Variants in IFNLR1 observed in about 807,000 individuals in gnomAD.
IFNLR1 encodes CRF2-12.
A neutral mutation model predicts 52.5 loss-of-function variants in IFNLR1; 28 were observed. The observed-to-expected ratio is 0.53, with a 90% CI of 0.40 to 0.73. IFNLR1 has a LOEUF of 0.73. IFNLR1 is among the 30% of genes least tolerant of loss of function. The pLI is 0.00. For synonymous variants in IFNLR1, 276 were observed against 274.9 expected (o/e 1.00, Z -0.04); for missense variants, 623 against 659.1 (o/e 0.95, Z 0.60).
intron 3 of IFNLR1, among the ~76,000 whole-genome samples, chr1:24,163,977 A>G (rs956042489): frequency 6.6e-6 from 1 of 152,156 alleles, no homozygotes; most frequent in African/African-American, 2.4e-5. Context: ...AATCAACAGT[A>G]TCTAAGTCAG....
At chr1:24,181,026 C>G (rs1351498061) in intron 1 of IFNLR1, among the ~76,000 whole-genome samples, 172 bp from the exon 2 acceptor site, 1 of 152,104 alleles carries the variant, frequency 6.6e-6, no homozygotes, top group Non-Finnish European at 1.5e-5. Context: ...AGACCCTTTG[C>G]CAGGAGGGGA....
chr1:24,175,812 T>A (rs1183895075), intron 2 of IFNLR1, among the ~76,000 whole-genome samples: 1 of 151,890 alleles, frequency 6.6e-6, no homozygotes, highest in Non-Finnish European at 1.5e-5. Context: ...CGCATGCCTG[T>A]AATCCCAGCT....
In IFNLR1 at chr1:24,169,315, A is replaced by G. The variant is rs370027861; in HGVS notation, c.367+102T>C. The G allele has an allele frequency of 3.5e-5, 39 of 1,111,932 alleles. No individual in the cohort carries two copies. The African/African-American group carries it at 5.5e-4, about 16-fold the overall frequency. The allele number at this position is 1,111,932 out of a possible 1,614,324, so 68.9% of individuals were successfully genotyped here. The stretch of plus-strand genomic sequence containing the variant: ...AGGGAGCTGCCCTCTGCTTTGGGGA[A>G]GTGGGAGACAGATGGTCAGGAGAAC... On this transcript the variant is annotated intron_variant, in intron 3 of 6. Coordinates refer to ENST00000327535, the MANE Select transcript of IFNLR1 (RefSeq NM_170743.4).
intron 2 of IFNLR1, 32 bp downstream of exon 2, chr1:24,180,689 CCCTCAGTCTT>C: frequency 7.2e-7 from 1 of 1,392,770 alleles, no homozygotes; most frequent in Non-Finnish European, 9.9e-7. Context: ...CCCACCCACC[CCCTCAGTCTT>C]CCCATCCACC....
In IFNLR1 at chr1:24,159,179, G is replaced by A. The variant is rs1425915327; in HGVS notation, c.674C>T (p.Ala225Val). The change falls in exon 6 of 7, where the codon GCC (alanine) becomes GTC (valine). Residue 225 changes from alanine (A) to valine (V), a missense_variant. By Grantham distance (64) the Ala-to-Val change is moderately conservative. Transcript: ENST00000327535. ...PTCFLLEVPEANWAFLVLPSL... is the reference protein window; with the variant it reads ...PTCFLLEVPEVNWAFLVLPSL... The stretch of plus-strand genomic sequence containing the variant: ...TGGCAGCACCAGGAAAGCCCAGTTG[G>A]CTTCTAAGGAAGGAAAAATAACAAT... 1.2e-6 allele frequency: 2 copies of A among 1,613,860 alleles called. No individual in the cohort carries two copies. The highest frequency in any genetic ancestry group is 8.5e-7 in the Non-Finnish European group (1 of 1,179,970).
chr1:24,158,966 T>C, intron 6 of IFNLR1, 86 bp downstream of exon 6: 1 of 1,370,088 alleles, frequency 7.3e-7, no homozygotes, highest in Non-Finnish European at 1.0e-6. Flanking sequence ...CATCTTGATA[T>C]TCTATCTGAA....
intron 1 of IFNLR1, among the ~76,000 whole-genome samples, chr1:24,186,691 A>C (rs868182069): frequency 4.1e-5 from 6 of 146,994 alleles, no homozygotes; most frequent in Admixed American, 6.6e-5. Context: ...ACAACAACAA[A>C]ACAACAACAA....
chr1:24,162,706 CTTTTCTTTCTTTCTTTCTTTT>C (rs1644457423), intron 3 of IFNLR1, among the ~76,000 whole-genome samples: 2 of 21,784 alleles, frequency 9.2e-5, no homozygotes, highest in Non-Finnish European at 1.9e-4. Flanking sequence ...CTTTTCTTTT[CTTTTCTTTCTTTCTTTCTTTT>C]CTTTCTTTCT....
At chr1:24,187,134 C>G in intron 1 of IFNLR1, 57 bp downstream of exon 1, 1 of 1,187,972 alleles carries the variant, frequency 8.4e-7, no homozygotes, top group Non-Finnish European at 1.1e-6. Context: ...CGAGGGTAGG[C>G]GCGGCCCGGC....
intron 3 of IFNLR1, 61 bp downstream of exon 3, chr1:24,169,356 T>C: frequency 6.7e-7 from 1 of 1,493,836 alleles, no homozygotes; most frequent in South Asian, 1.2e-5. Context: ...CACTGAGCAC[T>C]GAGCACAGCT....
intron 6 of IFNLR1, among the ~76,000 whole-genome samples, chr1:24,158,601 C>T (rs182859789): frequency 5.3e-5 from 8 of 152,294 alleles, no homozygotes; most frequent in East Asian, 3.9e-4. Flanking sequence ...TGCCCCAGCT[C>T]GCCCCTAGGT....
rs1644467903 is a variant in IFNLR1, at chr1:24,162,819, CTT to C, written c.368-1137_368-1136del. ...TTCTTTCTTTTTTCTTTCTTTTTTT[CTT>C]CTTTCTTTCTTTTCTTTCTTTCTTT... On this transcript the variant is annotated intron_variant, in intron 3 of 6. Coordinates refer to ENST00000327535, the MANE Select transcript of IFNLR1 (RefSeq NM_170743.4). Among the ~76,000 whole-genome samples the C allele has an allele frequency of 9.1e-5, 4 of 43,944 alleles. 1 individual carries two copies. Among genetic ancestry groups the C allele is most frequent in the Non-Finnish European group, 1.8e-4 (4 of 21,952 alleles). The allele number at this position is 43,944 out of a possible 152,430, so 28.8% of individuals were successfully genotyped here.
chr1:24,161,750 C>T lies in IFNLR1; in HGVS notation c.368-66G>A, dbSNP rs376910156. 68 of 1,414,644 alleles carry T rather than the reference C, an allele frequency of 4.8e-5. 2 individuals are homozygous for T. Among genetic ancestry groups the T allele is most frequent in the Admixed American group, 1.5e-4 (5 of 33,446 alleles). The allele number at this position is 1,414,644 out of a possible 1,614,324, so 87.6% of individuals were successfully genotyped here. A position where few individuals can be genotyped will look rare whatever the true frequency, so the allele number is the denominator to read the frequency against. ...CCGCACTGCCTCCATCCCCCAAGACCAGAGAGCTCTCTTGGAAATGGAAAA... is the reference window on the plus strand; with the variant it reads ...CCGCACTGCCTCCATCCCCCAAGACTAGAGAGCTCTCTTGGAAATGGAAAA... On this transcript the variant is annotated intron_variant, in intron 3 of 6. Coordinates refer to ENST00000327535, the MANE Select transcript of IFNLR1 (RefSeq NM_170743.4).
chr1:24,159,228 T>C (rs376390107), intron 5 of IFNLR1, 46 bp from the exon 6 acceptor site: 11 of 1,608,360 alleles, frequency 6.8e-6, no homozygotes, highest in Non-Finnish European at 9.4e-6. Flanking sequence ...ATGGCTCTTG[T>C]CTACAACTGC....
rs1557644033 is a variant in IFNLR1 at position 24,162,798 on chromosome 1, TTC to T, written c.368-1116_368-1115del. Among the ~76,000 whole-genome samples the T allele has an allele frequency of 4.2e-4, 39 of 92,698 alleles. 2 individuals are homozygous for T. The highest frequency in any genetic ancestry group is 6.1e-4 in the Non-Finnish European group (27 of 44,332). 60.8% of individuals were successfully genotyped at this position (92,698 alleles called of 152,430 possible). A position where few individuals can be genotyped will look rare whatever the true frequency, so the allele number is the denominator to read the frequency against. On this transcript the variant is annotated intron_variant, in intron 3 of 6. Coordinates refer to ENST00000327535, the MANE Select transcript of IFNLR1 (RefSeq NM_170743.4). ...TTTCTTTTTCTTTCTTTTTCTTTCT[TTC>T]TTTTTTCTTTCTTTTTTTCTTCTTT...
intron 2 of IFNLR1, among the ~76,000 whole-genome samples, chr1:24,172,204 G>A (rs72650407): frequency 0.098 from 14,896 of 152,140 alleles, 2,006 homozygotes; most frequent in African/African-American, 0.3. Flanking sequence ...AAATGAAAAC[G>A]TATAAGACAG....
chr1:24,157,736 C>T lies in IFNLR1; in HGVS notation c.957G>A (p.Lys319=), dbSNP rs1644398115. The T allele has an allele frequency of 1.2e-6, 2 of 1,614,234 alleles. No individual in the cohort carries two copies. Among genetic ancestry groups the T allele is most frequent in the African/African-American group, 1.3e-5 (1 of 75,066 alleles). ...CCTCTTCGTCCTCTGCAAGGTCCTT[C>T]TTCCATCTTGTCTGTTGGGTGGCTG... ...RAPATQQTRW[K]KDLAEDEEEE... is the part of the protein sequence containing the mutation. The change falls in exon 7 of 7, where the codon AAG becomes AAA. Residue 319 remains lysine (K), a synonymous_variant. Coordinates refer to ENST00000327535, the MANE Select transcript of IFNLR1 (RefSeq NM_170743.4). The surrounding 1 kb of genome is among the most constrained non-coding windows in gnomAD (Gnocchi z 5.1).
At position 24,157,241 on chromosome 1, in the gene IFNLR1, C is replaced by T. The variant is rs1459961642; in HGVS notation, c.1452G>A (p.Glu484=). The T allele has an allele frequency of 6.2e-7, 1 of 1,614,090 alleles. No homozygotes were observed. Among genetic ancestry groups the T allele is most frequent in the Non-Finnish European group, 8.5e-7 (1 of 1,180,036 alleles). Residue 484 remains glutamate, a synonymous_variant, in exon 7 of 7, where the codon GAG becomes GAA. Transcript: ENST00000327535. This position sits in a 1 kb window ranked among gnomAD's most constrained non-coding sequence, Gnocchi z 5.1. Reference sequence around the variant, plus strand: ...CCTCAATTTCTGATTCCCTCGCCTCCTCTTCCTCCTCAGGGCTGCTTTCCC... The same window carrying T: ...CCTCAATTTCTGATTCCCTCGCCTCTTCTTCCTCCTCAGGGCTGCTTTCCC... ...FCWESSPEEE[E]EARESEIEDS...
chr1:24,164,911 C>T (rs544148854), intron 3 of IFNLR1, among the ~76,000 whole-genome samples: 17 of 151,954 alleles, frequency 1.1e-4, no homozygotes, highest in African/African-American at 2.9e-4. Flanking sequence ...TACAGGTGCC[C>T]GCCACCACAC....
Sources: gnomAD v4.1 joint callset for allele counts (sites outside exome capture counted in the v4.1 genomes callset) on GRCh38, gnomAD v4.1.1 for gene constraint, Gnocchi (gnomAD v3.1) non-coding constraint, MANE v1.5 for transcripts, NCBI Gene and HGNC (gene_info 2026-07-23, HGNC 2026-07-21) for gene names.